The following NIPBL variants were observed in gnomAD, a reference collection of about 807,000 sequenced individuals.
The protein encoded by NIPBL is nipped-B-like protein.
In NIPBL, 19 loss-of-function variants were observed where a neutral mutation model predicts 321.8. The observed-to-expected ratio is 0.06, with a 90% CI of 0.04 to 0.09. The LOEUF is 0.09. NIPBL is among the 10% of genes least tolerant of loss of function. NIPBL has a pLI of 1.00. For synonymous variants in NIPBL, 1,106 were observed against 1,114.1 expected (o/e 0.99, Z 0.14); for missense variants, 2,210 against 3,327.0 (o/e 0.66, Z 8.26).
rs188537793 is a variant in NIPBL, at chr5:36,937,071, G to T, written c.-79-16547G>T. Among the ~76,000 whole-genome samples the T allele has an allele frequency of 2.0e-5, 3 of 152,118 alleles. No individual in the cohort carries two copies. The East Asian group carries it at 5.8e-4, about 29-fold the overall frequency. On this transcript the variant is annotated intron_variant, in intron 1 of 46. Transcript: ENST00000282516. ...AGTTTTATCAATTTTTTGGCTTTCA[G>T]CTCCTGAAACTATAGATAGCATTTA... is the stretch of plus-strand genomic sequence containing the variant.
chr5:36,949,606 G>A (rs1355763266), intron 1 of NIPBL, among the ~76,000 whole-genome samples: 1 of 151,774 alleles, frequency 6.6e-6, no homozygotes, highest in Admixed American at 6.6e-5. Flanking sequence ...ATCTACATGT[G>A]TATGTTAACA....
intron 6 of NIPBL, among the ~76,000 whole-genome samples, chr5:36,967,427 G>C (rs1182777315): frequency 2.0e-5 from 3 of 152,086 alleles, no homozygotes; most frequent in Non-Finnish European, 4.4e-5. Flanking sequence ...AACATACTCA[G>C]ACTGTTCTAA....
chr5:36,975,711 T>A, intron 8 of NIPBL, 65 bp from the exon 9 acceptor site: 1 of 1,444,634 alleles, frequency 6.9e-7, no homozygotes, highest in Non-Finnish European at 9.7e-7. Flanking sequence ...TATTAATATT[T>A]CTATCACATT....
At chr5:36,924,859 A>G (rs1749229754) in intron 1 of NIPBL, among the ~76,000 whole-genome samples, 1 of 152,192 alleles carries the variant, frequency 6.6e-6, no homozygotes, top group East Asian at 1.9e-4. Flanking sequence ...ATTTTCTATA[A>G]TAATTCCTGG....
chr5:37,013,521 A>T (rs1354087155), intron 21 of NIPBL, among the ~76,000 whole-genome samples: 2 of 149,282 alleles, frequency 1.3e-5, no homozygotes, highest in African/African-American at 2.5e-5. Flanking sequence ...GGGTCTCCTC[A>T]CTTCTCAGAC....
At chr5:37,050,556 A>G (rs973772479) in intron 40 of NIPBL, among the ~76,000 whole-genome samples, 9 of 151,490 alleles carry the variant, frequency 5.9e-5, no homozygotes, top group Admixed American at 2.0e-4. Flanking sequence ...CTTCACCTCT[A>G]TTCACCATTT....
chr5:36,896,852 A>T (rs1746782332), intron 1 of NIPBL, among the ~76,000 whole-genome samples: 1 of 152,100 alleles, frequency 6.6e-6, no homozygotes, highest in Non-Finnish European at 1.5e-5. Flanking sequence ...TGCCTGCCTT[A>T]GCCTCCCAAA....
At chr5:36,959,691 A>G (rs539567583) in intron 4 of NIPBL, among the ~76,000 whole-genome samples, 4 of 152,358 alleles carry the variant, frequency 2.6e-5, no homozygotes, top group African/African-American at 4.8e-5. Flanking sequence ...TACTAATACT[A>G]CATTTTTGCA....
chr5:37,008,484 A>T, intron 19 of NIPBL, 139 bp from the exon 20 acceptor site: 1 of 625,016 alleles, frequency 1.6e-6, no homozygotes, highest in East Asian at 2.8e-5. Flanking sequence ...AATTAATGAT[A>T]GGAAAATAGA....
chr5:37,004,536 CT>C (rs1747199847), intron 16 of NIPBL, among the ~76,000 whole-genome samples: 1 of 151,954 alleles, frequency 6.6e-6, no homozygotes, highest in South Asian at 2.1e-4. Flanking sequence ...TCCCAAGCTG[CT>C]GGAACTACAG....
chr5:37,044,779 G>A (rs1238032633), intron 36 of NIPBL, 50 bp downstream of exon 36: 3 of 1,294,410 alleles, frequency 2.3e-6, no homozygotes, highest in Non-Finnish European at 3.4e-6. Context: ...TCCTGCAGGG[G>A]GTCAGCTCAT....
At position 37,017,177 on chromosome 5, in the gene NIPBL, G is replaced by T; in HGVS notation, c.4920+15G>T. 3.7e-6 allele frequency: 6 copies of T among 1,600,698 alleles called. No individual in the cohort carries two copies. The highest frequency in any genetic ancestry group is 5.1e-6 in the Non-Finnish European group (6 of 1,169,224). On this transcript the variant is annotated intron_variant, in intron 24 of 46. Transcript: ENST00000282516. The stretch of plus-strand genomic sequence containing the variant: ...TTTTAAAACAGGTACTAAGATAAAA[G>T]ATTAAAATTATGGGAATGAATAATA...
chr5:36,897,598 C>T (rs890578625), intron 1 of NIPBL, among the ~76,000 whole-genome samples: 1 of 152,086 alleles, frequency 6.6e-6, no homozygotes, highest in Admixed American at 6.6e-5. Context: ...GATCAGACAA[C>T]TCAGAAGAAA....
At chr5:36,893,873 T>C (rs1746528674) in intron 1 of NIPBL, among the ~76,000 whole-genome samples, 1 of 152,112 alleles carries the variant, frequency 6.6e-6, no homozygotes, top group Non-Finnish European at 1.5e-5. Flanking sequence ...GAAGTTAGGG[T>C]AGGAGATAGT....
At chr5:37,044,952 A>G (rs1752821308) in intron 36 of NIPBL, among the ~76,000 whole-genome samples, 1 of 152,136 alleles carries the variant, frequency 6.6e-6, no homozygotes, top group Admixed American at 6.5e-5. Flanking sequence ...AGATTGGTAA[A>G]TTTTTTGCGC....
At chr5:37,004,104 GAATT>G (rs1446708985) in intron 16 of NIPBL, among the ~76,000 whole-genome samples, 4 of 152,188 alleles carry the variant, frequency 2.6e-5, no homozygotes, top group Admixed American at 2.0e-4. Flanking sequence ...AAGGATTAAA[GAATT>G]AATTCATGTA....
At chr5:36,957,098 A>C (rs149805085) in intron 3 of NIPBL, among the ~76,000 whole-genome samples, 4 of 152,138 alleles carry the variant, frequency 2.6e-5, no homozygotes, top group African/African-American at 9.7e-5. Flanking sequence ...ATAGGTCTTC[A>C]TGGTTAGATC....
At chr5:36,935,159 T>C (rs1750063382) in intron 1 of NIPBL, among the ~76,000 whole-genome samples, 1 of 152,142 alleles carries the variant, frequency 6.6e-6, no homozygotes, top group African/African-American at 2.4e-5. Flanking sequence ...TCAAAAAACA[T>C]AATGACTGGT....
intron 42 of NIPBL, among the ~76,000 whole-genome samples, chr5:37,055,527 TGAG>T (rs1220999352): frequency 2.6e-5 from 4 of 151,936 alleles, no homozygotes; most frequent in Non-Finnish European, 5.9e-5. Flanking sequence ...GGAGTTGGCT[TGAG>T]GAGTACATAA....
Sources: allele counts gnomAD v4.1 joint callset (sites outside exome capture counted in the v4.1 genomes callset), GRCh38; gene constraint gnomAD v4.1.1; transcripts MANE v1.5; gene names NCBI Gene and HGNC (gene_info 2026-07-23, HGNC 2026-07-21).